The following ATP8B2 variants were observed in gnomAD, a reference collection of about 807,000 sequenced individuals.
ATP8B2 encodes ATPase phospholipid transporting 8B2.
A neutral mutation model predicts 133.4 loss-of-function variants in ATP8B2; 70 were observed. That is an observed-to-expected ratio of 0.52 (90% confidence interval 0.43 to 0.64). The LOEUF is 0.64. Ranked by LOEUF, ATP8B2 falls within the 30% of genes least tolerant of loss-of-function variation. ATP8B2 has a pLI of 0.00. For synonymous variants in ATP8B2, 517 were observed against 589.5 expected (o/e 0.88, Z 1.78); for missense variants, 1,101 against 1,535.7 (o/e 0.72, Z 4.73).
Position 154,346,326 on chromosome 1 carries a change from C to T in ATP8B2, c.2874C>T (p.Ile958=), listed in dbSNP as rs777364815. Residue 958 remains isoleucine, a synonymous_variant, in exon 25 of 28, where the codon ATC becomes ATT. Coordinates refer to ENST00000368489, the MANE Select transcript of ATP8B2 (RefSeq NM_001370597.1). This position sits in a 1 kb window ranked among gnomAD's most constrained non-coding sequence, Gnocchi z 4.5. ...ACAAGCGGGAGTTCTTCATCTGCATCGCCCAGGGCATCTACACCTCCGTGC... is the reference window on the plus strand; with the variant it reads ...ACAAGCGGGAGTTCTTCATCTGCATTGCCCAGGGCATCTACACCTCCGTGC... ...LFNKREFFIC[I]AQGIYTSVLM... is the part of the protein sequence containing the mutation. 18 of 1,613,966 alleles carry T rather than the reference C, an allele frequency of 1.1e-5. No homozygotes were observed. The highest frequency in any genetic ancestry group is 5.0e-5 in the Admixed American group (3 of 60,002).
At chr1:154,336,961 A>AT (rs71077942) in intron 11 of ATP8B2, among the ~76,000 whole-genome samples, 23,579 of 148,368 alleles carry the variant, frequency 0.16, 1,928 homozygotes, top group African/African-American at 0.2. Flanking sequence ...GGACTGGCTA[A>AT]TTTTTTTAAT....
At position 154,331,877 on chromosome 1, in the gene ATP8B2, G is replaced by A; in HGVS notation, c.439-77G>A. On this transcript the variant is annotated intron_variant, in intron 7 of 27. Coordinates refer to ENST00000368489, the MANE Select transcript of ATP8B2 (RefSeq NM_001370597.1). This position sits in a 1 kb window ranked among gnomAD's most constrained non-coding sequence, Gnocchi z 4.8. ...GAACTAAGCAAACCAAGAATGCTTA[G>A]TGGAAGGAGCCACCATTACAGCCCA... The A allele has an allele frequency of 6.8e-7, 1 of 1,466,302 alleles. No individual in the cohort carries two copies. The highest frequency in any genetic ancestry group is 9.6e-7 in the Non-Finnish European group (1 of 1,046,846). The allele number at this position is 1,466,302 out of a possible 1,614,324, so 90.8% of individuals were successfully genotyped here. A position where few individuals can be genotyped will look rare whatever the true frequency, so the allele number is the denominator to read the frequency against.
chr1:154,341,085 T>C (rs200780437), intron 13 of ATP8B2, 23 bp downstream of exon 13: 700 of 1,613,154 alleles, frequency 4.3e-4, no homozygotes, highest in Non-Finnish European at 5.7e-4. Context: ...CACTGGGGAC[T>C]GGGGGCTTGC....
rs1197832477 is a variant in ATP8B2, at chr1:154,344,271, G to T, written c.2035+17G>T. On this transcript the variant is annotated intron_variant, in intron 19 of 27. Coordinates refer to ENST00000368489, the MANE Select transcript of ATP8B2 (RefSeq NM_001370597.1). The surrounding 1 kb of genome is among the most constrained non-coding windows in gnomAD (Gnocchi z 4.1). The stretch of plus-strand genomic sequence containing the variant: ...ACAAGCAAGGTGAGAGCCCAGCAGG[G>T]CAGAGCCAGTTGCAACTGACAGTAG... 1.2e-6 allele frequency: 2 copies of T among 1,614,184 alleles called. No individual in the cohort carries two copies. Among genetic ancestry groups the T allele is most frequent in the Admixed American group, 1.7e-5 (1 of 60,018 alleles).
In ATP8B2 at chr1:154,328,110, C is replaced by T; in HGVS notation, c.-32C>T. 2 of 1,614,094 alleles carry T rather than the reference C, an allele frequency of 1.2e-6. No homozygotes were observed. Among genetic ancestry groups the T allele is most frequent in the South Asian group, 1.1e-5 (1 of 91,076 alleles). ...TCGTCTGTCACTTCTTGCAGGGTCTCCCATGGGATTGCTGGGATCTTGCTG... is the reference window on the plus strand; with the variant it reads ...TCGTCTGTCACTTCTTGCAGGGTCTTCCATGGGATTGCTGGGATCTTGCTG... On this transcript the variant is annotated 5_prime_UTR_variant, in exon 2 of 28. Coordinates refer to ENST00000368489, the MANE Select transcript of ATP8B2 (RefSeq NM_001370597.1). This position sits in a 1 kb window ranked among gnomAD's most constrained non-coding sequence, Gnocchi z 4.6.
rs1685888825 is a variant in ATP8B2, at chr1:154,328,941, G to C, written c.31+769G>C. ...GAGCCGCCCCGTCGATGCCACTAAG[G>C]CCAAGGACATATAGACGGTCTGCCC... On this transcript the variant is annotated intron_variant, in intron 2 of 27. Coordinates refer to ENST00000368489, the MANE Select transcript of ATP8B2 (RefSeq NM_001370597.1). This position sits in a 1 kb window ranked among gnomAD's most constrained non-coding sequence, Gnocchi z 4.6. 4 of 1,302,860 alleles carry C rather than the reference G, an allele frequency of 3.1e-6. No homozygotes were observed. Among genetic ancestry groups the C allele is most frequent in the Non-Finnish European group, 4.0e-6 (4 of 988,508 alleles). The allele number at this position is 1,302,860 out of a possible 1,614,324, so 80.7% of individuals were successfully genotyped here.
intron 2 of ATP8B2, among the ~76,000 whole-genome samples, chr1:154,330,094 C>T (rs188980897): frequency 1.6e-4 from 25 of 152,304 alleles, no homozygotes; most frequent in African/African-American, 6.0e-4. Flanking sequence ...CCAGGACTGT[C>T]AGTGGCTCAG....
chr1:154,344,636 G>T lies in ATP8B2; in HGVS notation c.2142-5G>T, dbSNP rs373960806. On this transcript the variant is annotated splice_region_variant and splice_polypyrimidine_tract_variant and intron_variant, in intron 20 of 27. Coordinates refer to ENST00000368489, the MANE Select transcript of ATP8B2 (RefSeq NM_001370597.1). This position sits in a 1 kb window ranked among gnomAD's most constrained non-coding sequence, Gnocchi z 4.1. ...ACCACAACCGTATCATTTCCACCTC[G>T]ACAGGAAAGCCCGGGAGAAGATGAT... The T allele has an allele frequency of 1.5e-4, 235 of 1,606,710 alleles. No homozygotes were observed. In the African/African-American group the frequency reaches 2.8e-3, roughly 19 times the overall value.
At chr1:154,333,463 C>G (rs1686071418) in intron 9 of ATP8B2, among the ~76,000 whole-genome samples, 1 of 150,258 alleles carries the variant, frequency 6.7e-6, no homozygotes, top group African/African-American at 2.5e-5. Flanking sequence ...GAGATCGGGC[C>G]ACTGCACTCC....
At position 154,343,640 on chromosome 1, in the gene ATP8B2, T is replaced by C; in HGVS notation, c.1758+72T>C. 1.4e-6 allele frequency: 2 copies of C among 1,398,556 alleles called. No individual in the cohort carries two copies. The highest frequency in any genetic ancestry group is 1.2e-5 in the South Asian group (1 of 85,538). 86.6% of individuals were successfully genotyped at this position (1,398,556 alleles called of 1,614,324 possible). A position where few individuals can be genotyped will look rare whatever the true frequency, so the allele number is the denominator to read the frequency against. ...GTGTGGGGGAGGCGACTTAAGTTTGTTTTATTGTGTAAATTTAAGGTCTAC... is the reference window on the plus strand; with the variant it reads ...GTGTGGGGGAGGCGACTTAAGTTTGCTTTATTGTGTAAATTTAAGGTCTAC... On this transcript the variant is annotated intron_variant, in intron 17 of 27. Transcript: ENST00000368489. The surrounding 1 kb of genome is among the most constrained non-coding windows in gnomAD (Gnocchi z 5.8).
intron 1 of ATP8B2, chr1:154,327,838 T>C: frequency 6.2e-7 from 1 of 1,614,000 alleles, no homozygotes; most frequent in Non-Finnish European, 8.5e-7. Context: ...TTTCAATATC[T>C]GGCCTCTTCT....
At chr1:154,329,194 A>T (rs1223942783) in intron 2 of ATP8B2, 1 of 977,038 alleles carries the variant, frequency 1.0e-6, no homozygotes, top group Non-Finnish European at 1.3e-6. Context: ...AGACCCAGAG[A>T]TCCTGGCTCC....
chr1:154,334,281 T>C lies in ATP8B2; in HGVS notation c.748+16T>C. ...ATCTTTGCAGGTGAGCCTCCTAGCATCCAAAGAAAGAAGGGTAAGAGTGAC... is the reference window on the plus strand; with the variant it reads ...ATCTTTGCAGGTGAGCCTCCTAGCACCCAAAGAAAGAAGGGTAAGAGTGAC... On this transcript the variant is annotated intron_variant, in intron 10 of 27. Transcript: ENST00000368489. This position sits in a 1 kb window ranked among gnomAD's most constrained non-coding sequence, Gnocchi z 4.6. 1.2e-6 allele frequency: 2 copies of C among 1,612,564 alleles called. No individual in the cohort carries two copies. The highest frequency in any genetic ancestry group is 2.2e-5 in the South Asian group (2 of 91,060).
In ATP8B2 at chr1:154,350,904, A is replaced by G. The variant is rs2149179921; in HGVS notation, c.*1786A>G. 7.0e-6 allele frequency: 1 copy of G among 142,038 alleles called. No homozygotes were observed. Among genetic ancestry groups the G allele is most frequent in the Non-Finnish European group, 1.5e-5 (1 of 64,806 alleles). The allele number at this position is 142,038 out of a possible 1,614,324, so 8.8% of individuals were successfully genotyped here. The stretch of plus-strand genomic sequence containing the variant: ...TTAAATGTTCCATATGGGAGCCCCA[A>G]AGGAACTGGATGGGCTGCAGTGAGG... On this transcript the variant is annotated 3_prime_UTR_variant, in exon 28 of 28. Coordinates refer to ENST00000368489, the MANE Select transcript of ATP8B2 (RefSeq NM_001370597.1).
intron 14 of ATP8B2, 55 bp from the exon 15 acceptor site, chr1:154,342,741 C>T: frequency 6.3e-7 from 1 of 1,585,834 alleles, no homozygotes; most frequent in Admixed American, 1.7e-5. Context: ...GAACCCTTCC[C>T]CGGGATGCAG....
intron 8 of ATP8B2, among the ~76,000 whole-genome samples, chr1:154,332,333 AGACC>A (rs1418874840): frequency 6.6e-6 from 1 of 152,210 alleles, no homozygotes; most frequent in Non-Finnish European, 1.5e-5. Context: ...CAGGAGTTTG[AGACC>A]AGCCTGGGCA....
In ATP8B2 at chr1:154,328,262, A is replaced by G; in HGVS notation, c.31+90A>G. ...AGCAAAAGGAAAAGGGACAACTGGT[A>G]TGGGTCTGAGGGAGGGTAGCTTACA... On this transcript the variant is annotated intron_variant, in intron 2 of 27. Coordinates refer to ENST00000368489, the MANE Select transcript of ATP8B2 (RefSeq NM_001370597.1). The surrounding 1 kb of genome is among the most constrained non-coding windows in gnomAD (Gnocchi z 4.6). 7.2e-7 allele frequency: 1 copy of G among 1,394,276 alleles called. No homozygotes were observed. Among genetic ancestry groups the G allele is most frequent in the Non-Finnish European group, 1.0e-6 (1 of 982,636 alleles). The allele number at this position is 1,394,276 out of a possible 1,614,324, so 86.4% of individuals were successfully genotyped here. A position where few individuals can be genotyped will look rare whatever the true frequency, so the allele number is the denominator to read the frequency against.
Position 154,350,864 on chromosome 1 carries a change from G to T in ATP8B2, c.*1746G>T, listed in dbSNP as rs551240100. ...CTTCAGGAATGGTTTGGAGCTGGGAGTGGGTAGGGGGATTTTAAATGTTCC... is the reference window on the plus strand; with the variant it reads ...CTTCAGGAATGGTTTGGAGCTGGGATTGGGTAGGGGGATTTTAAATGTTCC... On this transcript the variant is annotated 3_prime_UTR_variant, in exon 28 of 28. Coordinates refer to ENST00000368489, the MANE Select transcript of ATP8B2 (RefSeq NM_001370597.1). 1 of 152,002 alleles carries T rather than the reference G, an allele frequency of 6.6e-6. No homozygotes were observed. The highest frequency in any genetic ancestry group is 2.1e-4 in the South Asian group (1 of 4,798). 9.4% of individuals were successfully genotyped at this position (152,002 alleles called of 1,614,324 possible). A position where few individuals can be genotyped will look rare whatever the true frequency, so the allele number is the denominator to read the frequency against.
Position 154,343,691 on chromosome 1 carries a change from T to A in ATP8B2, c.1758+123T>A. 9.7e-7 allele frequency: 1 copy of A among 1,029,990 alleles called. No individual in the cohort carries two copies. Among genetic ancestry groups the A allele is most frequent in the Non-Finnish European group, 1.4e-6 (1 of 695,416 alleles). 63.8% of individuals were successfully genotyped at this position (1,029,990 alleles called of 1,614,324 possible). ...AACGTGATGTTTTGATGTGTATATA[T>A]AGTGAAGTGATTACTACAGTCAGAC... On this transcript the variant is annotated intron_variant, in intron 17 of 27. Coordinates refer to ENST00000368489, the MANE Select transcript of ATP8B2 (RefSeq NM_001370597.1). The surrounding 1 kb of genome is among the most constrained non-coding windows in gnomAD (Gnocchi z 5.8).
Sources: gnomAD v4.1 joint callset for allele counts (sites outside exome capture counted in the v4.1 genomes callset) on GRCh38, gnomAD v4.1.1 for gene constraint, Gnocchi (gnomAD v3.1) non-coding constraint, MANE v1.5 for transcripts, NCBI Gene and HGNC (gene_info 2026-07-23, HGNC 2026-07-21) for gene names.